ANO1: variants seen among roughly 807,000 people sequenced by gnomAD.
ANO1 encodes the protein anoctamin-1.
Under a neutral mutation model 124.0 loss-of-function variants are expected in ANO1, and 59 were observed. The ratio of observed to expected loss-of-function variants is 0.48; its 90% CI spans 0.39 to 0.59. The LOEUF (loss-of-function observed/expected upper bound fraction) is 0.59. Among genes scored for constraint, ANO1 ranks in the 20% least tolerant of loss-of-function variants. The probability of loss-of-function intolerance (pLI) is 0.00; values close to 1 mark genes in which losing one functional copy is unlikely to be tolerated. For missense variants in ANO1, 1,059 were observed against 1,328.0 expected, an observed-to-expected ratio of 0.80 and a Z score of 3.15; for synonymous variants, 529 against 532.0, an observed-to-expected ratio of 0.99 and a Z score of 0.08.
At chr11:70,111,251 G>A (rs1391665155) in intron 6 of ANO1, 6 of 464,094 alleles carry the variant, frequency 1.3e-5, no homozygotes, top group Non-Finnish European at 2.6e-5. Context: ...CAAATTGTAT[G>A]TGTGTTTTCT....
chr11:70,181,575 G>A (rs934115354), intron 23 of ANO1, among the ~76,000 whole-genome samples: 3 of 152,196 alleles, frequency 2.0e-5, no homozygotes, highest in Non-Finnish European at 4.4e-5. Context: ...TGCAACAAGC[G>A]GCGCTGTGAG....
intron 1 of ANO1, among the ~76,000 whole-genome samples, chr11:70,004,005 G>GCT (rs1856436889): frequency 6.6e-6 from 1 of 152,088 alleles, no homozygotes; most frequent in South Asian, 2.1e-4. Context: ...CCACCCACGA[G>GCT]CTCCTCCTTC....
chr11:70,105,656 G>A (rs1292812798), intron 4 of ANO1, 78 bp from the exon 5 acceptor site: 38 of 1,391,814 alleles, frequency 2.7e-5, no homozygotes, highest in Non-Finnish European at 3.8e-5. Context: ...GGACAGTGTG[G>A]TTTCCCAGGG....
chr11:70,087,651 C>T (rs768150738), intron 1 of ANO1, 101 bp from the exon 2 acceptor site: 14 of 1,176,582 alleles, frequency 1.2e-5, no homozygotes, highest in African/African-American at 3.1e-5. Flanking sequence ...GTTTGTTGAA[C>T]GAGTGAGTGA....
chr11:70,163,601 TTTC>T (rs778681292), intron 19 of ANO1: 36 of 602,354 alleles, frequency 6.0e-5, no homozygotes, highest in Non-Finnish European at 9.4e-5. Flanking sequence ...CTGGTTTTCT[TTTC>T]TTTTTTTGTG....
chr11:70,172,824 C>T (rs776457550), intron 22 of ANO1, among the ~76,000 whole-genome samples: 9 of 151,558 alleles, frequency 5.9e-5, no homozygotes, highest in South Asian at 2.1e-4. Flanking sequence ...CGAGATCATG[C>T]GATTGCACTT....
At chr11:70,105,888 G>T (rs61034641) in intron 5 of ANO1, 100 bp downstream of exon 5, 183,139 of 1,219,604 alleles carry the variant, frequency 0.15, 14,743 homozygotes, top group South Asian at 0.22. Context: ...GTGGAAGCCG[G>T]CTCTAATTGT....
intron 1 of ANO1, among the ~76,000 whole-genome samples, chr11:69,995,543 T>C (rs1204970632): frequency 6.6e-6 from 1 of 152,212 alleles, no homozygotes; most frequent in Non-Finnish European, 1.5e-5. Context: ...CCATGACAGT[T>C]TCACAGATTT....
chr11:70,113,131 C>A (rs749617909), intron 7 of ANO1, among the ~76,000 whole-genome samples: 25 of 152,062 alleles, frequency 1.6e-4, no homozygotes, highest in Non-Finnish European at 3.2e-4. Flanking sequence ...CGCCCCACCC[C>A]ACCCCAGGCG....
chr11:70,153,276 A>G (rs1590870225), intron 14 of ANO1, 148 bp downstream of exon 14: 1 of 706,848 alleles, frequency 1.4e-6, no homozygotes. Context: ...TAGCGGCAAA[A>G]GGAGCCATAG....
chr11:70,178,858 C>G (rs1263263288), intron 22 of ANO1, among the ~76,000 whole-genome samples: 3 of 152,246 alleles, frequency 2.0e-5, no homozygotes, highest in Non-Finnish European at 4.4e-5. Flanking sequence ...GCCACCACAC[C>G]CAGCCCGCAG....
chr11:70,119,135 G>A (rs1343142242), intron 8 of ANO1, among the ~76,000 whole-genome samples: 2 of 150,040 alleles, frequency 1.3e-5, no homozygotes, highest in African/African-American at 4.9e-5. Flanking sequence ...TGAGTGGGTG[G>A]GTGGATGGAT....
intron 11 of ANO1, among the ~76,000 whole-genome samples, chr11:70,143,551 G>A (rs1445320854): frequency 3.3e-5 from 5 of 152,140 alleles, no homozygotes; most frequent in Non-Finnish European, 5.9e-5. Context: ...GGCAGCCTAC[G>A]GAGCTTGTTC....
At chr11:70,019,123 G>A (rs1856751661) in intron 1 of ANO1, among the ~76,000 whole-genome samples, 1 of 152,198 alleles carries the variant, frequency 6.6e-6, no homozygotes, top group South Asian at 2.1e-4. Flanking sequence ...TTCAACAAAT[G>A]TTGAGAGCCT....
chr11:70,099,045 C>G (rs1173363305), intron 2 of ANO1, among the ~76,000 whole-genome samples: 1 of 152,200 alleles, frequency 6.6e-6, no homozygotes, highest in Non-Finnish European at 1.5e-5. Flanking sequence ...GGGGCTGACT[C>G]TGTCCCCTTG....
intron 1 of ANO1, among the ~76,000 whole-genome samples, chr11:70,041,431 T>G (rs1857181732): frequency 6.6e-6 from 1 of 152,230 alleles, no homozygotes; most frequent in African/African-American, 2.4e-5. Context: ...GATTTAAATT[T>G]ACACACGCAC....
chr11:70,085,816 G>C (rs1032040589), intron 1 of ANO1: 11 of 1,046,490 alleles, frequency 1.1e-5, no homozygotes, highest in Non-Finnish European at 1.2e-5. Flanking sequence ...TCCACCCTCC[G>C]GCTTCCCTGA....
intron 2 of ANO1, among the ~76,000 whole-genome samples, chr11:70,093,657 G>A (rs980043245): frequency 1.3e-5 from 2 of 152,204 alleles, no homozygotes; most frequent in African/African-American, 2.4e-5. Flanking sequence ...CGCTGCCCAG[G>A]GCTCAAGTCT....
At chr11:69,970,940 C>T in the ANO1 span, among the ~76,000 whole-genome samples, 3 of 152,210 alleles carry the variant, frequency 2.0e-5, no homozygotes, top group Non-Finnish European at 2.9e-5. Context: ...CAAAGAGAGG[C>T]ACTCTCCCTT....
Sources: allele counts gnomAD v4.1 joint callset (sites outside exome capture counted in the v4.1 genomes callset), GRCh38; gene constraint gnomAD v4.1.1; transcripts MANE v1.5; gene names NCBI Gene and HGNC (gene_info 2026-07-23, HGNC 2026-07-21).